Variants in ARHGAP28 observed in about 807,000 individuals in gnomAD.
The protein encoded by ARHGAP28 is Rho GTPase activating protein 28, also known as rho GTPase-activating protein 28.
ARHGAP28 carries 56 observed loss-of-function variants against 90.7 expected under a neutral mutation model. The ratio of observed to expected loss-of-function variants is 0.62; its 90% CI spans 0.50 to 0.77. The LOEUF is 0.77. Among genes scored for constraint, ARHGAP28 ranks in the 30% least tolerant of loss-of-function variants. ARHGAP28 has a pLI of 0.00. For missense variants in ARHGAP28, 869 were observed against 900.9 expected, an observed-to-expected ratio of 0.96 and a Z score of 0.45; for synonymous variants, 308 against 323.3, an observed-to-expected ratio of 0.95 and a Z score of 0.51.
intron 1 of ARHGAP28, 88 bp downstream of exon 1, chr18:6,730,031 G>T (rs865893900): frequency 6.6e-6 from 8 of 1,220,422 alleles, no homozygotes; most frequent in Middle Eastern, 3.1e-4. Context: ...CTGAGCGCAC[G>T]ACCGCCGTCA....
At chr18:6,792,972 T>C (rs1445966517) in intron 1 of ARHGAP28, among the ~76,000 whole-genome samples, 1 of 152,228 alleles carries the variant, frequency 6.6e-6, no homozygotes, top group East Asian at 1.9e-4. Context: ...TCAAAGTGTA[T>C]TTCAAACATT....
intron 4 of ARHGAP28, among the ~76,000 whole-genome samples, chr18:6,852,892 G>A (rs1321957521): frequency 6.6e-6 from 1 of 152,172 alleles, no homozygotes; most frequent in African/African-American, 2.4e-5. Context: ...ACTGAGCTGG[G>A]GCTTGGAGCA....
chr18:6,813,093 C>G (rs1189650103), intron 1 of ARHGAP28, among the ~76,000 whole-genome samples: 2 of 152,146 alleles, frequency 1.3e-5, no homozygotes, highest in Admixed American at 1.3e-4. Flanking sequence ...TAGAATTTAT[C>G]ATATTTTAAC....
chr18:6,843,082 G>A (rs1161009054), intron 3 of ARHGAP28, among the ~76,000 whole-genome samples: 1 of 152,098 alleles, frequency 6.6e-6, no homozygotes, highest in Non-Finnish European at 1.5e-5. Flanking sequence ...CAAGCAAACT[G>A]AACTTCTCTT....
intron 1 of ARHGAP28, among the ~76,000 whole-genome samples, chr18:6,739,866 T>G (rs1233842582): frequency 6.6e-6 from 1 of 151,592 alleles, no homozygotes; most frequent in Admixed American, 6.6e-5. Flanking sequence ...TTTTTTTTTT[T>G]TTTTTGAGAC....
At position 6,913,449 on chromosome 18, in the gene ARHGAP28, A is replaced by T. The variant is rs1053355708; in HGVS notation, c.*1295A>T. The T allele has an allele frequency of 1.3e-5, 2 of 152,158 alleles. No homozygotes were observed. Among genetic ancestry groups the T allele is most frequent in the African/African-American group, 4.8e-5 (2 of 41,434 alleles). The allele number at this position is 152,158 out of a possible 1,614,324, so 9.4% of individuals were successfully genotyped here. A position where few individuals can be genotyped will look rare whatever the true frequency, so the allele number is the denominator to read the frequency against. On this transcript the variant is annotated 3_prime_UTR_variant, in exon 18 of 18. Coordinates refer to ENST00000383472, the MANE Select transcript of ARHGAP28 (RefSeq NM_001366230.1). ...ATACATTGGCTTTTTTGGAATCTATAGATTGAGATTTTGATGAATTTATAT... is the reference window on the plus strand; with the variant it reads ...ATACATTGGCTTTTTTGGAATCTATTGATTGAGATTTTGATGAATTTATAT...
intron 3 of ARHGAP28, among the ~76,000 whole-genome samples, chr18:6,839,395 G>A (rs371697883): frequency 2.3e-4 from 35 of 149,974 alleles, no homozygotes; most frequent in East Asian, 5.9e-4. Flanking sequence ...CCGGGTTCAC[G>A]CCATTCTCCC....
At chr18:6,825,076 T>G (rs189864257) in intron 2 of ARHGAP28, 112 bp downstream of exon 2, 1 of 1,004,844 alleles carries the variant, frequency 1.0e-6, no homozygotes, top group Admixed American at 3.0e-5. Flanking sequence ...AATGAATCAG[T>G]AGAATCTGGC....
At chr18:6,755,828 T>A (rs1238692033) in intron 1 of ARHGAP28, among the ~76,000 whole-genome samples, 1 of 152,218 alleles carries the variant, frequency 6.6e-6, no homozygotes, top group Admixed American at 6.5e-5. Flanking sequence ...TTCTTTTATA[T>A]CAATAAACAC....
rs528653735 is a variant in ARHGAP28, at chr18:6,876,313, T to G, written c.1290+105T>G. 8 of 835,992 alleles carry G rather than the reference T, an allele frequency of 9.6e-6. No homozygotes were observed. In the East Asian group the frequency reaches 1.5e-4, roughly 16 times the overall value. The allele number at this position is 835,992 out of a possible 1,614,324, so 51.8% of individuals were successfully genotyped here. A position where few individuals can be genotyped will look rare whatever the true frequency, so the allele number is the denominator to read the frequency against. On this transcript the variant is annotated intron_variant, in intron 10 of 17. Coordinates refer to ENST00000383472, the MANE Select transcript of ARHGAP28 (RefSeq NM_001366230.1). ...ATTTGTTGTTGTTTATTAGATATTA[T>G]CACTTGGTCCTTCCTAGTATTCCTT... is the stretch of plus-strand genomic sequence containing the variant.
rs1214308156 is a variant in ARHGAP28, at chr18:6,882,153, T to C, written c.1307T>C (p.Leu436Pro). ...GATTTACAGCAATACCGTGAAGAAC[T>C]TGATGCCAAGTTTAATGCTGATAAA... ...TAKVKQYREE[L>P]DAKFNADKFK... Residue 436 changes from leucine (L) to proline (P), a missense_variant, in exon 11 of 18, where the codon CTT (leucine) becomes CCT (proline). By Grantham distance (98) the Leu-to-Pro change is moderately conservative. Coordinates refer to ENST00000383472, the MANE Select transcript of ARHGAP28 (RefSeq NM_001366230.1). 1.9e-6 allele frequency: 3 copies of C among 1,613,622 alleles called. No homozygotes were observed. Among genetic ancestry groups the C allele is most frequent in the Non-Finnish European group, 2.5e-6 (3 of 1,179,770 alleles).
chr18:6,811,184 G>T (rs974504831), intron 1 of ARHGAP28, among the ~76,000 whole-genome samples: 6 of 152,136 alleles, frequency 3.9e-5, no homozygotes, highest in Admixed American at 1.3e-4. Flanking sequence ...GATATTCCTG[G>T]ATTCTTAATC....
At chr18:6,870,926 G>A (rs544101259) in intron 7 of ARHGAP28, among the ~76,000 whole-genome samples, 194 bp downstream of exon 7, 51 of 151,988 alleles carry the variant, frequency 3.4e-4, no homozygotes, top group East Asian at 7.7e-4. Flanking sequence ...TCAGCCTCCC[G>A]AGTAGCTGGG....
intron 1 of ARHGAP28, among the ~76,000 whole-genome samples, chr18:6,737,565 T>C (rs1011206108): frequency 3.9e-5 from 6 of 152,308 alleles, no homozygotes; most frequent in Admixed American, 3.9e-4. Context: ...TGTATACTCT[T>C]GTTGAAGAAT....
chr18:6,810,867 G>C (rs1185293440), intron 1 of ARHGAP28, among the ~76,000 whole-genome samples: 1 of 152,058 alleles, frequency 6.6e-6, no homozygotes, highest in Non-Finnish European at 1.5e-5. Flanking sequence ...CTAGGAGACA[G>C]ATCTGTGTTT....
chr18:6,824,298 G>A (rs1381424121), intron 1 of ARHGAP28, among the ~76,000 whole-genome samples: 1 of 152,090 alleles, frequency 6.6e-6, no homozygotes, highest in Non-Finnish European at 1.5e-5. Context: ...CAGCACTTTG[G>A]GAGGCTGAGG....
intron 1 of ARHGAP28, among the ~76,000 whole-genome samples, chr18:6,784,505 C>T (rs1272704616): frequency 1.3e-5 from 2 of 152,214 alleles, no homozygotes; most frequent in Non-Finnish European, 2.9e-5. Context: ...GAGCAAAGCT[C>T]ACACTCCTCT....
Position 6,851,119 on chromosome 18 carries a change from G to A in ARHGAP28, c.629G>A (p.Gly210Asp). 1 of 1,613,996 alleles carries A rather than the reference G, an allele frequency of 6.2e-7. No individual in the cohort carries two copies. The highest frequency in any genetic ancestry group is 1.6e-4 in the Middle Eastern group (1 of 6,062). The change falls in exon 4 of 18, where the codon GGT becomes GAT. Residue 210 changes from glycine (G) to aspartate (D), a missense_variant. Gly to Asp is a moderately conservative substitution (Grantham distance 94, BLOSUM62 -1). Coordinates refer to ENST00000383472, the MANE Select transcript of ARHGAP28 (RefSeq NM_001366230.1). ...CTTCCAAGAGTTATCAAGACAAGTG[G>A]TTCCATGGTAAGTTATAGTTGTGGG... is the stretch of plus-strand genomic sequence containing the variant. Reference protein sequence around the residue: ...RELPRVIKTSGSMPDDASLNS... With the variant: ...RELPRVIKTSDSMPDDASLNS...
Position 6,914,719 on chromosome 18 carries a change from T to G in ARHGAP28, c.*2565T>G, listed in dbSNP as rs1222327422. The G allele has an allele frequency of 6.6e-6, 1 of 152,200 alleles. No homozygotes were observed. The highest frequency in any genetic ancestry group is 2.4e-5 in the African/African-American group (1 of 41,454). 9.4% of individuals were successfully genotyped at this position (152,200 alleles called of 1,614,324 possible). Reference sequence around the variant, plus strand: ...GCTTCTCCCCCTCACCCATTCCTAGTGCTCTTGGTATACACTTGGGAAAAT... The same window carrying G: ...GCTTCTCCCCCTCACCCATTCCTAGGGCTCTTGGTATACACTTGGGAAAAT... On this transcript the variant is annotated 3_prime_UTR_variant, in exon 18 of 18. Transcript: ENST00000383472.
Sources: gnomAD v4.1 joint callset for allele counts (sites outside exome capture counted in the v4.1 genomes callset) on GRCh38, gnomAD v4.1.1 for gene constraint, MANE v1.5 for transcripts, NCBI Gene and HGNC (gene_info 2026-07-23, HGNC 2026-07-21) for gene names.